Variants in XKR9 observed in about 807,000 individuals in gnomAD.
XKR9 encodes the protein XK-related protein 9.
XKR9 carries 32 observed loss-of-function variants against 32.0 expected under a neutral mutation model. The observed-to-expected ratio is 1.00, with a 90% CI of 0.76 to 1.34. The LOEUF is 1.34. Among genes scored for constraint, XKR9 ranks in the 40% most tolerant of loss-of-function variants. The probability of loss-of-function intolerance (pLI) is 0.00; values close to 1 mark genes in which losing one functional copy is unlikely to be tolerated. For missense variants in XKR9, 546 were observed against 429.7 expected (o/e 1.27, Z -2.39); for synonymous variants, 168 against 143.4 (o/e 1.17, Z -1.22).
chr8:71,062,559 C>A, the XKR9 span, among the ~76,000 whole-genome samples: 1 of 152,184 alleles, frequency 6.6e-6, no homozygotes, highest in Non-Finnish European at 1.5e-5. Flanking sequence ...CATTCAGTCC[C>A]TAGCACAGAG....
chr8:70,670,179 C>T (rs1426581168), intron 1 of XKR9, among the ~76,000 whole-genome samples: 1 of 152,274 alleles, frequency 6.6e-6, no homozygotes, highest in Admixed American at 6.5e-5. Context: ...TCCTACCTGC[C>T]TCGCACTAAC....
chr8:70,972,968 T>C, the XKR9 span, among the ~76,000 whole-genome samples: 1 of 152,200 alleles, frequency 6.6e-6, no homozygotes, highest in African/African-American at 2.4e-5. Flanking sequence ...ATTAGGGTGA[T>C]ACTGTCTTCA....
the XKR9 span, among the ~76,000 whole-genome samples, chr8:70,949,462 T>C: frequency 2.0e-5 from 3 of 151,848 alleles, no homozygotes; most frequent in African/African-American, 7.2e-5. Flanking sequence ...TTAAGATTTA[T>C]ATTAAATCTT....
At chr8:70,973,820 A>G in the XKR9 span, among the ~76,000 whole-genome samples, 1 of 152,152 alleles carries the variant, frequency 6.6e-6, no homozygotes, top group Non-Finnish European at 1.5e-5. Flanking sequence ...CTGTCGTTGG[A>G]GAGAGTACTT....
chr8:70,701,181 G>A (rs917186437), intron 3 of XKR9, among the ~76,000 whole-genome samples: 5 of 152,212 alleles, frequency 3.3e-5, no homozygotes, highest in Admixed American at 6.5e-5. Context: ...CGTGCACAGT[G>A]TGCTGCACTC....
chr8:71,057,246 G>C, the XKR9 span, among the ~76,000 whole-genome samples: 1 of 152,150 alleles, frequency 6.6e-6, no homozygotes, highest in Non-Finnish European at 1.5e-5. Context: ...CTTTCTGAAG[G>C]TGAATACAAG....
chr8:70,825,809 G>A, the XKR9 span, among the ~76,000 whole-genome samples: 1 of 151,914 alleles, frequency 6.6e-6, no homozygotes, highest in South Asian at 2.1e-4. Flanking sequence ...TTCATTTGTG[G>A]GATCTATGGA....
chr8:70,741,049 TTGTC>T (rs752619054), intron 2 of XKR9, among the ~76,000 whole-genome samples: 4 of 152,208 alleles, frequency 2.6e-5, no homozygotes, highest in Admixed American at 6.5e-5. Flanking sequence ...GTCTTTTTGT[TTGTC>T]TGTGCCCTGC....
intron 3 of XKR9, among the ~76,000 whole-genome samples, chr8:70,689,174 A>G (rs1410893415): frequency 6.6e-6 from 1 of 152,134 alleles, no homozygotes; most frequent in Non-Finnish European, 1.5e-5. Flanking sequence ...AAGACCATCT[A>G]CCCAGTAGAA....
intron 3 of XKR9, among the ~76,000 whole-genome samples, chr8:70,687,330 C>G (rs1301526836): frequency 6.8e-6 from 1 of 148,070 alleles, no homozygotes; most frequent in Non-Finnish European, 1.5e-5. Flanking sequence ...TTCTTTCTTT[C>G]TTTCTTTCTT....
At chr8:71,027,379 A>G in the XKR9 span, among the ~76,000 whole-genome samples, 16 of 147,850 alleles carry the variant, frequency 1.1e-4, no homozygotes, top group Non-Finnish European at 2.1e-4. Flanking sequence ...ATTTTAGATA[A>G]TATATATAAT....
At chr8:70,676,285 T>C (rs546190781) in intron 2 of XKR9, among the ~76,000 whole-genome samples, 4 of 152,174 alleles carry the variant, frequency 2.6e-5, no homozygotes, top group African/African-American at 9.6e-5. Context: ...ACCCAAAACC[T>C]CCAACCAGGC....
chr8:70,689,771 C>T (rs1819447658), intron 3 of XKR9, among the ~76,000 whole-genome samples: 1 of 151,960 alleles, frequency 6.6e-6, no homozygotes, highest in South Asian at 2.1e-4. Context: ...AAGGTACAGA[C>T]AGAAGGTATA....
At chr8:71,058,970 CTA>C in the XKR9 span, among the ~76,000 whole-genome samples, 2 of 152,180 alleles carry the variant, frequency 1.3e-5, no homozygotes, top group South Asian at 4.1e-4. Context: ...AAGAAATAAA[CTA>C]ATTGCCAAAT....
chr8:70,783,672 T>A (rs1372578562), intron 2 of XKR9, among the ~76,000 whole-genome samples: 109 of 152,342 alleles, frequency 7.2e-4, no homozygotes, highest in Non-Finnish European at 2.9e-5. Context: ...TCTCACACTG[T>A]TAATTGTTTT....
At chr8:70,795,715 G>A in the XKR9 span, among the ~76,000 whole-genome samples, 1 of 151,886 alleles carries the variant, frequency 6.6e-6, no homozygotes, top group African/African-American at 2.4e-5. Context: ...GTTTTGATTT[G>A]CATTTCTCTA....
chr8:70,903,472 T>G, the XKR9 span, among the ~76,000 whole-genome samples: 1 of 152,208 alleles, frequency 6.6e-6, no homozygotes, highest in Non-Finnish European at 1.5e-5. Context: ...TTCTGTGGGG[T>G]TGGTGGTGAT....
chr8:70,949,330 G>T, the XKR9 span, among the ~76,000 whole-genome samples: 1 of 151,758 alleles, frequency 6.6e-6, no homozygotes, highest in Non-Finnish European at 1.5e-5. Flanking sequence ...TAACTGTGTG[G>T]ATGGTGAAAC....
the XKR9 span, among the ~76,000 whole-genome samples, chr8:70,997,229 G>A: frequency 1.3e-5 from 2 of 151,960 alleles, no homozygotes; most frequent in South Asian, 2.1e-4. Context: ...CCCGGAAGGC[G>A]GAGGTTGCAG....
Sources: gnomAD v4.1 joint callset for allele counts (sites outside exome capture counted in the v4.1 genomes callset) on GRCh38, gnomAD v4.1.1 for gene constraint, MANE v1.5 for transcripts, NCBI Gene and HGNC (gene_info 2026-07-23, HGNC 2026-07-21) for gene names.